Variants in DEGS1 observed in about 807,000 individuals in gnomAD.
The protein encoded by DEGS1 is delta 4-desaturase, sphingolipid 1.
A neutral mutation model predicts 24.1 loss-of-function variants in DEGS1; 17 were observed. The ratio of observed to expected loss-of-function variants is 0.70; its 90% CI spans 0.48 to 1.06. The LOEUF is 1.06. Among genes scored for constraint, DEGS1 ranks in the 50% least tolerant of loss-of-function variants. The pLI is 0.00. For missense variants in DEGS1, 366 were observed against 408.9 expected (o/e 0.90, Z 0.91); for synonymous variants, 134 against 140.0 (o/e 0.96, Z 0.30).
chr1:224,189,641 G>A lies in DEGS1; in HGVS notation c.147G>A (p.Met49Ile). 1.2e-6 allele frequency: 2 copies of A among 1,613,696 alleles called. No homozygotes were observed. The highest frequency in any genetic ancestry group is 1.7e-6 in the Non-Finnish European group (2 of 1,179,698). Reference sequence around the variant, plus strand: ...CCAATTTGATATGGATTATAATTATGATGGTTCTCACCCAGTTGGGTGCAT... The same window carrying A: ...CCAATTTGATATGGATTATAATTATAATGGTTCTCACCCAGTTGGGTGCAT... ...PDPNLIWIII[M>I]MVLTQLGAFY... Residue 49 changes from methionine to isoleucine, a missense_variant, in exon 2 of 3, where the codon ATG becomes ATA. By Grantham distance (10) the Met-to-Ile change is conservative (BLOSUM62 1). Transcript: ENST00000323699.
At chr1:224,186,893 T>C (rs1428377126) in intron 1 of DEGS1, among the ~76,000 whole-genome samples, 3 of 152,170 alleles carry the variant, frequency 2.0e-5, no homozygotes, top group Non-Finnish European at 4.4e-5. Context: ...GAGATCTTTC[T>C]GAAAGTATTG....
At chr1:224,189,481 A>G in intron 1 of DEGS1, 96 bp from the exon 2 acceptor site, 1 of 951,044 alleles carries the variant, frequency 1.1e-6, no homozygotes, top group Non-Finnish European at 1.5e-6. Context: ...TACAGAACAA[A>G]TTTAATGTGT....
chr1:224,190,197 A>T lies in DEGS1; in HGVS notation c.703A>T (p.Met235Leu). 2 of 1,552,532 alleles carry T rather than the reference A, an allele frequency of 1.3e-6. No individual in the cohort carries two copies. Among genetic ancestry groups the T allele is most frequent in the Non-Finnish European group, 1.7e-6 (2 of 1,153,798 alleles). ...TGGACATTTTATAGCTGAGCATTAC[A>T]TGTTCTTAAAGGGTCATGAAACTTA... is the stretch of plus-strand genomic sequence containing the variant. Reference protein sequence around the residue: ...ISGHFIAEHYMFLKGHETYSY... With the variant: ...ISGHFIAEHYLFLKGHETYSY... The change falls in exon 2 of 3, where the codon ATG (methionine) becomes TTG (leucine). Residue 235 changes from methionine (M) to leucine (L), a missense_variant. By Grantham distance (15) the Met-to-Leu change is conservative. Coordinates refer to ENST00000323699, the MANE Select transcript of DEGS1 (RefSeq NM_003676.4).
chr1:224,188,857 T>G (rs1241642406), intron 1 of DEGS1, among the ~76,000 whole-genome samples: 1 of 152,152 alleles, frequency 6.6e-6, no homozygotes. Context: ...CTTTTGTCAC[T>G]TGTACTTGTT....
At position 224,189,845 on chromosome 1, in the gene DEGS1, G is replaced by T; in HGVS notation, c.351G>T (p.Gly117=). 1 of 1,614,170 alleles carries T rather than the reference G, an allele frequency of 6.2e-7. No homozygotes were observed. Among genetic ancestry groups the T allele is most frequent in the Non-Finnish European group, 8.5e-7 (1 of 1,180,032 alleles). The part of the protein sequence containing the change: ...WFGMFANLPI[G]IPYSISFKRY... ...GAATGTTTGCTAATCTTCCTATTGG[G>T]ATTCCATATTCAATTTCCTTTAAGA... The change falls in exon 2 of 3, where the codon GGG becomes GGT. Residue 117 remains glycine, a synonymous_variant. Coordinates refer to ENST00000323699, the MANE Select transcript of DEGS1 (RefSeq NM_003676.4).
intron 1 of DEGS1, among the ~76,000 whole-genome samples, chr1:224,185,001 ACACAC>A (rs1328502207): frequency 1.0e-5 from 1 of 96,452 alleles, no homozygotes; most frequent in African/African-American, 3.9e-5. Flanking sequence ...ACACACACAC[ACACAC>A]TTTTTTTAAA....
intron 2 of DEGS1, chr1:224,191,045 C>T (rs1024007846): frequency 2.0e-5 from 3 of 152,114 alleles, no homozygotes; most frequent in Non-Finnish European, 4.4e-5. Context: ...TCTTTTAATC[C>T]TCCAAATGGT....
At chr1:224,184,090 A>G (rs1227788992) in intron 1 of DEGS1, among the ~76,000 whole-genome samples, 1 of 152,228 alleles carries the variant, frequency 6.6e-6, no homozygotes, top group Non-Finnish European at 1.5e-5. Flanking sequence ...CCTGGGACGT[A>G]AGAACGGCGG....
At position 224,183,272 on chromosome 1, in the gene DEGS1, GCCA is replaced by G. The variant is rs1271283849; in HGVS notation, c.-62_-60del. 7.2e-7 allele frequency: 1 copy of G among 1,384,166 alleles called. No individual in the cohort carries two copies. The highest frequency in any genetic ancestry group is 9.6e-7 in the Non-Finnish European group (1 of 1,043,800). The allele number at this position is 1,384,166 out of a possible 1,614,324, so 85.7% of individuals were successfully genotyped here. A position where few individuals can be genotyped will look rare whatever the true frequency, so the allele number is the denominator to read the frequency against. On this transcript the variant is annotated 5_prime_UTR_variant, in exon 1 of 3. Transcript: ENST00000323699. ...CAGCCGGGGAGCCGCCGCCGCCGCC[GCCA>G]CCTCTGAGCAGCCGGCTGGGAGCGA...
At chr1:224,192,118 T>A (rs1163546572) in intron 2 of DEGS1, among the ~76,000 whole-genome samples, 2 of 151,944 alleles carry the variant, frequency 1.3e-5, no homozygotes, top group African/African-American at 4.8e-5. Context: ...ACCTAGAGGG[T>A]CGAGTGTATT....
Position 224,190,250 on chromosome 1 carries a change from T to TA in DEGS1, c.757dup (p.Thr253AsnfsTer8). On this transcript the variant is annotated frameshift_variant, in exon 2 of 3. Coordinates refer to ENST00000323699, the MANE Select transcript of DEGS1 (RefSeq NM_003676.4). LOFTEE classifies it high-confidence loss of function. ...CATATTATGGGCCTCTGAATTTACT[T>TA]ACCTTCAATGTGGGTTATCATAATG... The TA allele has an allele frequency of 6.6e-7, 1 of 1,514,798 alleles. No homozygotes were observed. Among genetic ancestry groups the TA allele is most frequent in the South Asian group, 1.4e-5 (1 of 72,736 alleles). 93.8% of individuals were successfully genotyped at this position (1,514,798 alleles called of 1,614,324 possible). A position where few individuals can be genotyped will look rare whatever the true frequency, so the allele number is the denominator to read the frequency against.
chr1:224,185,900 A>T (rs1336340267), intron 1 of DEGS1, among the ~76,000 whole-genome samples: 3 of 152,172 alleles, frequency 2.0e-5, no homozygotes, highest in Non-Finnish European at 4.4e-5. Flanking sequence ...GAGCTACTTA[A>T]TATTCTGAAA....
Position 224,189,438 on chromosome 1 carries a change from T to C in DEGS1, c.83-139T>C, listed in dbSNP as rs1658476117. The stretch of plus-strand genomic sequence containing the variant: ...GAATCCTTCCCTGTGTTATTAAATA[T>C]CCACTAAAGTCTCTAGTAAAGGGAA... On this transcript the variant is annotated intron_variant, in intron 1 of 2. Transcript: ENST00000323699. 5.4e-6 allele frequency: 3 copies of C among 558,156 alleles called. No homozygotes were observed. The East Asian group carries it at 9.2e-5, about 17-fold the overall frequency. 34.6% of individuals were successfully genotyped at this position (558,156 alleles called of 1,614,324 possible). A position where few individuals can be genotyped will look rare whatever the true frequency, so the allele number is the denominator to read the frequency against.
chr1:224,192,386 A>G lies in DEGS1; in HGVS notation c.880A>G (p.Ile294Val). The change falls in exon 3 of 3, where the codon ATA (isoleucine) becomes GTA (valine). Residue 294 changes from isoleucine to valine, a missense_variant. Ile to Val is a conservative substitution (Grantham distance 29). Coordinates refer to ENST00000323699, the MANE Select transcript of DEGS1 (RefSeq NM_003676.4). ...CAACCTCCCTCACTACAATTCCTGG[A>G]TAAAAGTACTGTATGATTTTGTGAT... ...YDNLPHYNSW[I>V]KVLYDFVMDD... 1 of 1,613,806 alleles carries G rather than the reference A, an allele frequency of 6.2e-7. No individual in the cohort carries two copies. The highest frequency in any genetic ancestry group is 8.5e-7 in the Non-Finnish European group (1 of 1,179,878).
intron 1 of DEGS1, 60 bp from the exon 2 acceptor site, chr1:224,189,511 TTAATTA>T: frequency 1.6e-6 from 2 of 1,240,954 alleles, no homozygotes; most frequent in Admixed American, 2.4e-5. Flanking sequence ...TGGTGTTAAT[TTAATTA>T]TAATTGGTGA....
In DEGS1 at chr1:224,192,550, T is replaced by G; in HGVS notation, c.*72T>G. The G allele has an allele frequency of 6.9e-7, 1 of 1,452,736 alleles. No individual in the cohort carries two copies. Among genetic ancestry groups the G allele is most frequent in the South Asian group, 1.3e-5 (1 of 78,922 alleles). 90.0% of individuals were successfully genotyped at this position (1,452,736 alleles called of 1,614,324 possible). ...AAATGGAATTTTTGCATTATTAAAC[T>G]TGAGACCAGTGATGCTCAGAAGCTC... On this transcript the variant is annotated 3_prime_UTR_variant, in exon 3 of 3. Transcript: ENST00000323699.
intron 2 of DEGS1, among the ~76,000 whole-genome samples, chr1:224,191,384 C>A (rs1459818744): frequency 2.7e-5 from 4 of 146,802 alleles, no homozygotes; most frequent in Non-Finnish European, 6.0e-5. Context: ...AGCGAAACTC[C>A]GTCTCAAAAA....
chr1:224,183,415 C>G lies in DEGS1; in HGVS notation c.79C>G (p.Leu27Val). The change falls in exon 1 of 3, where the codon CTG becomes GTG. Residue 27 changes from leucine (L) to valine (V), a missense_variant. Transcript: ENST00000323699. The stretch of plus-strand genomic sequence containing the variant: ...GCACGCCGACCGGCGCCGGGAGATC[C>G]TGGGTGAGGGCCAGCGGGCGCCCCG... Reference protein sequence around the residue: ...QPHADRRREILAKYPEIKSLM... With the variant: ...QPHADRRREIVAKYPEIKSLM... The G allele has an allele frequency of 1.4e-6, 2 of 1,420,094 alleles. No homozygotes were observed. Among genetic ancestry groups the G allele is most frequent in the Non-Finnish European group, 1.9e-6 (2 of 1,076,750 alleles). 88.0% of individuals were successfully genotyped at this position (1,420,094 alleles called of 1,614,324 possible). A position where few individuals can be genotyped will look rare whatever the true frequency, so the allele number is the denominator to read the frequency against.
chr1:224,186,708 G>C (rs868531117), intron 1 of DEGS1, among the ~76,000 whole-genome samples: 1 of 94,652 alleles, frequency 1.1e-5, no homozygotes. Flanking sequence ...GTGAGCCTCC[G>C]TCTCAAAAAA....
Sources: gnomAD v4.1 joint callset for allele counts (sites outside exome capture counted in the v4.1 genomes callset) on GRCh38, gnomAD v4.1.1 for gene constraint, MANE v1.5 for transcripts, NCBI Gene and HGNC (gene_info 2026-07-23, HGNC 2026-07-21) for gene names.